The following RYR3 variants were observed in gnomAD, a reference collection of about 807,000 sequenced individuals.
RYR3 encodes ryanodine receptor 3.
Under a neutral mutation model 584.3 loss-of-function variants are expected in RYR3, and 207 were observed. That is an observed-to-expected ratio of 0.35 (90% CI 0.32 to 0.40). RYR3 has a LOEUF of 0.40. Ranked by LOEUF, RYR3 falls within the 10% of genes least tolerant of loss-of-function variation. The pLI is 1.00. For missense variants in RYR3, 5,616 were observed against 6,089.2 expected (o/e 0.92, Z 2.59); for synonymous variants, 2,416 against 2,248.5 (o/e 1.07, Z -2.11).
intron 79 of RYR3, 63 bp from the exon 80 acceptor site, chr15:33,821,460 G>T (rs1262204961): frequency 6.2e-7 from 1 of 1,600,808 alleles, no homozygotes; most frequent in Non-Finnish European, 8.6e-7. Context: ...CCCTGCTAAG[G>T]CCCAGGAGGC....
intron 2 of RYR3, 139 bp downstream of exon 2, chr15:33,473,677 G>T (rs1211875591): frequency 5.8e-6 from 5 of 869,002 alleles, no homozygotes; most frequent in Non-Finnish European, 8.7e-6. Context: ...AGCAGATCTG[G>T]TTTAAACCAT....
intron 60 of RYR3, among the ~76,000 whole-genome samples, chr15:33,758,279 A>G: frequency 6.6e-6 from 1 of 152,108 alleles, no homozygotes; most frequent in East Asian, 1.9e-4. Context: ...CACCTGGAAT[A>G]CCAGCGAGAC....
chr15:33,593,320 A>G (rs583413), intron 16 of RYR3, among the ~76,000 whole-genome samples: 124,478 of 151,784 alleles, frequency 0.82, 51,690 homozygotes, highest in Middle Eastern at 0.92. Flanking sequence ...TCTGGTCTCA[A>G]GTTTCATCTG....
intron 93 of RYR3, among the ~76,000 whole-genome samples, 184 bp downstream of exon 93, chr15:33,845,246 G>GT: frequency 6.6e-6 from 1 of 152,196 alleles, no homozygotes; most frequent in South Asian, 2.1e-4. Context: ...CTCACCATAG[G>GT]TTTTCTTCTG....
At chr15:33,765,279 A>G (rs2072916941) in intron 60 of RYR3, among the ~76,000 whole-genome samples, 1 of 152,110 alleles carries the variant, frequency 6.6e-6, no homozygotes, top group Non-Finnish European at 1.5e-5. Context: ...TCTGTATTTT[A>G]TTAAAGAAAT....
At chr15:33,464,627 G>T (rs2048345214) in intron 1 of RYR3, among the ~76,000 whole-genome samples, 1 of 149,958 alleles carries the variant, frequency 6.7e-6, no homozygotes, top group Non-Finnish European at 1.5e-5. Context: ...ATATTTAATT[G>T]ATATATTTTT....
intron 1 of RYR3, among the ~76,000 whole-genome samples, chr15:33,444,845 T>C (rs7167835): frequency 0.052 from 7,910 of 151,926 alleles, 652 homozygotes; most frequent in African/African-American, 0.18. Context: ...ACATGGCACA[T>C]GTATACATAT....
In RYR3 at chr15:33,844,412, G is replaced by A. The variant is rs536621273; in HGVS notation, c.13297-450G>A. On this transcript the variant is annotated intron_variant, in intron 92 of 103. Transcript: ENST00000634891. ...TGAGAGTCATCTGTATAAGAATAGC[G>A]GCTGAAGCCATGAATGTAAATGGCA... is the stretch of plus-strand genomic sequence containing the variant. Among the ~76,000 whole-genome samples the A allele has an allele frequency of 4.6e-5, 7 of 152,256 alleles. No individual in the cohort carries two copies. In the East Asian group the frequency reaches 9.6e-4, roughly 21 times the overall value.
chr15:33,667,910 G>T (rs2063574785), intron 36 of RYR3, among the ~76,000 whole-genome samples: 1 of 151,734 alleles, frequency 6.6e-6, no homozygotes, highest in Admixed American at 6.6e-5. Context: ...AAAAATACAA[G>T]AAATTAGCTG....
intron 19 of RYR3, among the ~76,000 whole-genome samples, chr15:33,622,936 A>G (rs945770326): frequency 3.3e-5 from 5 of 152,196 alleles, no homozygotes; most frequent in African/African-American, 1.2e-4. Flanking sequence ...AACCTAACCC[A>G]TATATATGAG....
At position 33,827,222 on chromosome 15, in the gene RYR3, C is replaced by T. The variant is rs2077424219; in HGVS notation, c.11269C>T (p.Gln3757Ter). 1.9e-6 allele frequency: 3 copies of T among 1,552,054 alleles called. No individual in the cohort carries two copies. Among genetic ancestry groups the T allele is most frequent in the Non-Finnish European group, 2.6e-6 (3 of 1,147,266 alleles). ...NSDFQNFLRT[Q>*]MGNTTTVNVI... ...AGACTTTCAGAACTTCCTGCGGACT[C>T]AGATGGGCAACACCACCACCGTGAA... is the stretch of plus-strand genomic sequence containing the variant. Residue 3757 changes from glutamine to a stop codon, truncating the protein, a stop_gained, in exon 85 of 104, where the codon CAG becomes TAG. Coordinates refer to ENST00000634891, the MANE Select transcript of RYR3 (RefSeq NM_001036.6). LOFTEE classifies it high-confidence loss of function.
At chr15:33,759,214 T>A (rs138717168) in intron 60 of RYR3, among the ~76,000 whole-genome samples, 9 of 152,084 alleles carry the variant, frequency 5.9e-5, no homozygotes, top group African/African-American at 2.2e-4. Flanking sequence ...GCTAAAAAAT[T>A]CCAAAAACCA....
intron 1 of RYR3, among the ~76,000 whole-genome samples, chr15:33,408,397 G>A (rs2043167348): frequency 6.6e-6 from 1 of 152,150 alleles, no homozygotes; most frequent in Non-Finnish European, 1.5e-5. Context: ...TCTTTATCCA[G>A]TCCACTACTG....
chr15:33,328,630 C>G (rs143307683), intron 1 of RYR3, among the ~76,000 whole-genome samples: 3 of 152,156 alleles, frequency 2.0e-5, no homozygotes, highest in Non-Finnish European at 4.4e-5. Context: ...TTAGTTAAGA[C>G]TGATTTGTAA....
intron 14 of RYR3, 67 bp from the exon 15 acceptor site, chr15:33,584,327 CT>C: frequency 3.7e-6 from 3 of 809,630 alleles, no homozygotes; most frequent in Non-Finnish European, 6.2e-6. Flanking sequence ...TATTCGACAG[CT>C]TTCCAAGTTC....
intron 52 of RYR3, among the ~76,000 whole-genome samples, chr15:33,744,111 A>G (rs978551944): frequency 6.6e-6 from 1 of 152,114 alleles, no homozygotes; most frequent in African/African-American, 2.4e-5. Context: ...TGAGCCTGCC[A>G]GATACCCGCC....
In RYR3 at chr15:33,646,412, T is replaced by C; in HGVS notation, c.3827T>C (p.Phe1276Ser). Reference protein sequence around the residue: ...PPCLKVTHKTFGTQNSNADMI... With the variant: ...PPCLKVTHKTSGTQNSNADMI... The stretch of plus-strand genomic sequence containing the variant: ...TGTCTCAAGGTGACGCATAAGACAT[T>C]TGGCACACAGAATAGCAATGCCGAC... Residue 1276 changes from phenylalanine to serine, a missense_variant, in exon 29 of 104, where the codon TTT becomes TCT. By Grantham distance (155) the Phe-to-Ser change is radical (BLOSUM62 -2). Coordinates refer to ENST00000634891, the MANE Select transcript of RYR3 (RefSeq NM_001036.6). The C allele has an allele frequency of 6.2e-7, 1 of 1,613,876 alleles. No homozygotes were observed.
chr15:33,783,672 G>A (rs1180339306), intron 65 of RYR3, among the ~76,000 whole-genome samples: 1 of 152,160 alleles, frequency 6.6e-6, no homozygotes, highest in East Asian at 1.9e-4. Flanking sequence ...TTTCAGTTGC[G>A]TCTATGGCAG....
intron 11 of RYR3, among the ~76,000 whole-genome samples, chr15:33,566,378 A>G (rs2057715762): frequency 1.3e-5 from 2 of 152,212 alleles, no homozygotes; most frequent in South Asian, 2.1e-4. Flanking sequence ...AGGAAAATCA[A>G]TCATGAGGTA....
Sources: allele counts gnomAD v4.1 joint callset (sites outside exome capture counted in the v4.1 genomes callset), GRCh38; gene constraint gnomAD v4.1.1; transcripts MANE v1.5; gene names NCBI Gene and HGNC (gene_info 2026-07-23, HGNC 2026-07-21).